Variants in CELF6 observed in about 807,000 individuals in gnomAD.
CELF6 encodes CUGBP Elav-like family member 6, also known as Bruno -like 6, RNA binding protein.
A neutral mutation model predicts 53.1 loss-of-function variants in CELF6; 32 were observed. The observed-to-expected ratio is 0.60, with a 90% CI of 0.46 to 0.81. CELF6 has a LOEUF of 0.81. Ranked by LOEUF, CELF6 falls within the 30% of genes least tolerant of loss-of-function variation. The pLI is 0.00. For missense variants in CELF6, 539 were observed against 669.5 expected, an observed-to-expected ratio of 0.81 and a Z score of 2.15; for synonymous variants, 291 against 288.8, an observed-to-expected ratio of 1.01 and a Z score of -0.08.
chr15:72,287,748 G>T (rs2087941254), intron 11 of CELF6, among the ~76,000 whole-genome samples: 1 of 152,146 alleles, frequency 6.6e-6, no homozygotes, highest in African/African-American at 2.4e-5. Context: ...GACTCCTCCT[G>T]CCCTGGCCAG....
intron 2 of CELF6, among the ~76,000 whole-genome samples, chr15:72,311,587 A>G (rs370326142): frequency 4.0e-5 from 6 of 151,820 alleles, no homozygotes; most frequent in African/African-American, 1.4e-4. Flanking sequence ...TATTTTTAGT[A>G]GAGACGGGGT....
chr15:72,306,076 T>C (rs1304028527), intron 2 of CELF6: 2 of 984,848 alleles, frequency 2.0e-6, no homozygotes, highest in Non-Finnish European at 2.4e-6. Flanking sequence ...GATTTCAATA[T>C]ATCGCCCCCA....
chr15:72,302,830 T>C (rs2088176674), intron 3 of CELF6, among the ~76,000 whole-genome samples: 1 of 152,208 alleles, frequency 6.6e-6, no homozygotes, highest in East Asian at 1.9e-4. Context: ...TATTCATCCT[T>C]GAGGTCTCAG....
chr15:72,288,797 C>T lies in CELF6; in HGVS notation c.1093+71G>A. 6.9e-7 allele frequency: 1 copy of T among 1,444,242 alleles called. No individual in the cohort carries two copies. Among genetic ancestry groups the T allele is most frequent in the South Asian group, 1.2e-5 (1 of 82,056 alleles). The allele number at this position is 1,444,242 out of a possible 1,614,324, so 89.5% of individuals were successfully genotyped here. A position where few individuals can be genotyped will look rare whatever the true frequency, so the allele number is the denominator to read the frequency against. On this transcript the variant is annotated intron_variant, in intron 9 of 12. Transcript: ENST00000287202. The surrounding 1 kb of genome is among the most constrained non-coding windows in gnomAD (Gnocchi z 4.6). ...CAACTCCTTGGAACAGAGCCTAAAT[C>T]CCCCACAACTCTCCCTATTTCTTTC...
intron 2 of CELF6, among the ~76,000 whole-genome samples, chr15:72,305,731 C>G (rs2088218417): frequency 6.6e-6 from 1 of 152,122 alleles, no homozygotes; most frequent in African/African-American, 2.4e-5. Context: ...ACTTAGAGCT[C>G]TGTGTCTCCA....
intron 2 of CELF6, 86 bp downstream of exon 2, chr15:72,315,759 C>G: frequency 3.4e-6 from 3 of 893,992 alleles, no homozygotes. Flanking sequence ...CGGTCCCAAC[C>G]CAGCCCCCAC....
Position 72,295,589 on chromosome 15 carries a change from C to T in CELF6, c.395-5334G>A, listed in dbSNP as rs1437131011. Among the ~76,000 whole-genome samples, 4 of 151,074 alleles carry T rather than the reference C, an allele frequency of 2.6e-5. No homozygotes were observed. In the South Asian group the frequency reaches 6.3e-4, roughly 24 times the overall value. ...TAAAAATACAAAGAAATTAGCTGGG[C>T]GTGGTGGTGGGTGCCTGTAATCCCA... is the stretch of plus-strand genomic sequence containing the variant. On this transcript the variant is annotated intron_variant, in intron 3 of 12. Transcript: ENST00000287202.
At chr15:72,309,234 G>A (rs1000128560) in intron 2 of CELF6, among the ~76,000 whole-genome samples, 3 of 152,148 alleles carry the variant, frequency 2.0e-5, no homozygotes, top group African/African-American at 4.8e-5. Context: ...TTAAGTAGAG[G>A]AATCATCTAG....
chr15:72,297,458 TAAC>T (rs1296352850), intron 3 of CELF6, among the ~76,000 whole-genome samples: 1 of 152,218 alleles, frequency 6.6e-6, no homozygotes, highest in Non-Finnish European at 1.5e-5. Context: ...CCCATATTCA[TAAC>T]AACATTAGTT....
At position 72,319,589 on chromosome 15, in the gene CELF6, C is replaced by T. The variant is rs1191616591; in HGVS notation, c.262+24G>A. 4 of 1,452,688 alleles carry T rather than the reference C, an allele frequency of 2.8e-6. No individual in the cohort carries two copies. Among genetic ancestry groups the T allele is most frequent in the Admixed American group, 4.2e-5 (2 of 47,534 alleles). The allele number at this position is 1,452,688 out of a possible 1,614,324, so 90.0% of individuals were successfully genotyped here. A position where few individuals can be genotyped will look rare whatever the true frequency, so the allele number is the denominator to read the frequency against. The stretch of plus-strand genomic sequence containing the variant: ...ACACTCTAATCGGATTGGGGCTGGG[C>T]TGGGCTGGGCTGACCCCGCGCACCT... On this transcript the variant is annotated intron_variant, in intron 1 of 12. Coordinates refer to ENST00000287202, the MANE Select transcript of CELF6 (RefSeq NM_052840.5). The surrounding 1 kb of genome is among the most constrained non-coding windows in gnomAD (Gnocchi z 5.0).
Position 72,289,710 on chromosome 15 carries a change from G to A in CELF6, c.664C>T (p.Arg222Trp). The A allele has an allele frequency of 6.7e-7, 1 of 1,482,020 alleles. No individual in the cohort carries two copies. Among genetic ancestry groups the A allele is most frequent in the East Asian group, 2.6e-5 (1 of 39,140 alleles). 91.8% of individuals were successfully genotyped at this position (1,482,020 alleles called of 1,614,324 possible). The change falls in exon 6 of 13, where the codon CGG becomes TGG. Residue 222 changes from arginine (R) to tryptophan (W), a missense_variant. Around this residue, in one of 3 missense-constraint regions of CELF6, gnomAD observed 358 missense variants for 412.8 expected, o/e 0.87. Coordinates refer to ENST00000287202, the MANE Select transcript of CELF6 (RefSeq NM_052840.5). This position sits in a 1 kb window ranked among gnomAD's most constrained non-coding sequence, Gnocchi z 7.6. ...ADTDRERALR[R>W]MQQMAGHLGA... is the part of the protein sequence containing the mutation. ...AGGTGGCCGGCCATCTGCTGCATCC[G>A]CCGCAGCGCGCGCTCCCGGTCGGTG...
At chr15:72,299,747 A>G (rs1595779845) in intron 3 of CELF6, among the ~76,000 whole-genome samples, 1 of 152,226 alleles carries the variant, frequency 6.6e-6, no homozygotes, top group East Asian at 1.9e-4. Context: ...TTTTCCTTTA[A>G]TAGTGTACTG....
intron 3 of CELF6, among the ~76,000 whole-genome samples, chr15:72,297,457 A>G (rs1489839700): frequency 6.6e-6 from 1 of 152,244 alleles, no homozygotes; most frequent in Non-Finnish European, 1.5e-5. Context: ...ACCCATATTC[A>G]TAACAACATT....
chr15:72,304,414 AAAC>A (rs772391365), intron 3 of CELF6, among the ~76,000 whole-genome samples: 123 of 152,320 alleles, frequency 8.1e-4, no homozygotes, highest in Non-Finnish European at 1.5e-3. Flanking sequence ...TGATTCTTAA[AAAC>A]AACAACAACA....
intron 1 of CELF6, among the ~76,000 whole-genome samples, chr15:72,316,908 G>A (rs2088370793): frequency 6.6e-6 from 1 of 152,204 alleles, no homozygotes; most frequent in African/African-American, 2.4e-5. Flanking sequence ...CCCTAAACAA[G>A]TCCAAAGGGT....
intron 3 of CELF6, among the ~76,000 whole-genome samples, chr15:72,295,776 C>T (rs1319824992): frequency 1.3e-5 from 2 of 151,336 alleles, no homozygotes; most frequent in East Asian, 1.9e-4. Flanking sequence ...AAAAGACAAT[C>T]TGTGTTCATG....
intron 2 of CELF6, among the ~76,000 whole-genome samples, chr15:72,313,174 T>C (rs1196293495): frequency 6.6e-6 from 1 of 152,212 alleles, no homozygotes; most frequent in Admixed American, 6.5e-5. Context: ...GTTAAGTGAA[T>C]GAGTTCTAGG....
chr15:72,310,956 T>C (rs544699826), intron 2 of CELF6, among the ~76,000 whole-genome samples: 1 of 152,294 alleles, frequency 6.6e-6, no homozygotes, highest in African/African-American at 2.4e-5. Flanking sequence ...TCTACTCATG[T>C]GGAGCCTTAG....
chr15:72,290,288 C>T, intron 3 of CELF6, 33 bp from the exon 4 acceptor site: 1 of 1,603,568 alleles, frequency 6.2e-7, no homozygotes, highest in Non-Finnish European at 8.5e-7. Flanking sequence ...CCTGGGGACC[C>T]CAAGTCTTCC....
Sources: gnomAD v4.1 joint callset for allele counts (sites outside exome capture counted in the v4.1 genomes callset) on GRCh38, gnomAD v4.1.1 for gene constraint, gnomAD v4.1.1 regional missense constraint, Gnocchi (gnomAD v3.1) non-coding constraint, MANE v1.5 for transcripts, NCBI Gene and HGNC (gene_info 2026-07-23, HGNC 2026-07-21) for gene names.